Variants in GRM7 observed in about 807,000 individuals in gnomAD.
GRM7 encodes the protein glutamate metabotropic receptor 7.
GRM7 carries 35 observed loss-of-function variants against 84.5 expected under a neutral mutation model. That is an observed-to-expected ratio of 0.41 (90% confidence interval 0.32 to 0.55). The LOEUF (loss-of-function observed/expected upper bound fraction) is 0.55, where lower values mean the gene tolerates loss of function less well. Among genes scored for constraint, GRM7 ranks in the 20% least tolerant of loss-of-function variants. The pLI, the probability that GRM7 is intolerant of heterozygous loss-of-function variation, is 0.19. For synonymous variants in GRM7, 487 were observed against 455.1 expected, an observed-to-expected ratio of 1.07 and a Z score of -0.89; for missense variants, 1,003 against 1,194.6, an observed-to-expected ratio of 0.84 and a Z score of 2.36.
chr3:7,540,172 AT>A lies in GRM7; in HGVS notation c.1516-38244del, dbSNP rs1265867950. On this transcript the variant is annotated intron_variant, in intron 7 of 9. Transcript: ENST00000357716. ...CGGTTGCTTTAGGAAACAGTTTTAT[AT>A]TTTTTCAAAATGTTAAAAATGGGAT... Among the ~76,000 whole-genome samples, 7 of 152,262 alleles carry A rather than the reference AT, an allele frequency of 4.6e-5. No individual in the cohort carries two copies. In the South Asian group the frequency reaches 8.3e-4, roughly 18 times the overall value.
chr3:7,676,609 CCACCA>C (rs1299437899), intron 8 of GRM7, among the ~76,000 whole-genome samples: 1 of 152,074 alleles, frequency 6.6e-6, no homozygotes, highest in East Asian at 1.9e-4. Context: ...CAGGCACCCG[CCACCA>C]CACCTGGTGG....
intron 1 of GRM7, among the ~76,000 whole-genome samples, chr3:7,025,149 C>T (rs1336309721): frequency 2.0e-5 from 3 of 152,206 alleles, no homozygotes; most frequent in African/African-American, 4.8e-5. Context: ...TCCTGCCTCA[C>T]TTTTCCACTT....
intron 1 of GRM7, among the ~76,000 whole-genome samples, chr3:7,112,643 G>A (rs1011220235): frequency 3.9e-5 from 6 of 152,070 alleles, no homozygotes; most frequent in African/African-American, 9.7e-5. Flanking sequence ...GCCCCCACTC[G>A]GTTGTTTTTG....
At chr3:7,412,951 G>A (rs1442387500) in intron 4 of GRM7, among the ~76,000 whole-genome samples, 1 of 151,604 alleles carries the variant, frequency 6.6e-6, no homozygotes, top group Non-Finnish European at 1.5e-5. Flanking sequence ...CTTGGCTCTA[G>A]TAGAAAGTTT....
At chr3:6,917,829 C>A (rs1276418138) in intron 1 of GRM7, among the ~76,000 whole-genome samples, 2 of 152,070 alleles carry the variant, frequency 1.3e-5, no homozygotes, top group East Asian at 3.9e-4. Flanking sequence ...TCTATATTTT[C>A]ATAACTCCTT....
At chr3:7,203,693 C>G (rs1209605468) in intron 2 of GRM7, among the ~76,000 whole-genome samples, 3 of 152,146 alleles carry the variant, frequency 2.0e-5, no homozygotes, top group African/African-American at 7.2e-5. Flanking sequence ...AGTGGTTGCA[C>G]TAACTTATAT....
At chr3:6,894,489 A>T (rs1467893055) in intron 1 of GRM7, among the ~76,000 whole-genome samples, 1 of 152,152 alleles carries the variant, frequency 6.6e-6, no homozygotes, top group African/African-American at 2.4e-5. Flanking sequence ...CTAGAATGGG[A>T]GCAAATAAGC....
chr3:7,402,836 C>T (rs1382399526), intron 4 of GRM7, among the ~76,000 whole-genome samples: 1 of 148,988 alleles, frequency 6.7e-6, no homozygotes, highest in East Asian at 2.0e-4. Context: ...TCTTTTTCCC[C>T]TCTCAGACTT....
intron 4 of GRM7, among the ~76,000 whole-genome samples, chr3:7,357,316 C>T (rs75364080): frequency 0.073 from 11,107 of 151,958 alleles, 429 homozygotes; most frequent in Non-Finnish European, 0.09. Flanking sequence ...TGACACCACT[C>T]TCTCTCCCTT....
intron 5 of GRM7, among the ~76,000 whole-genome samples, chr3:7,447,146 T>G (rs1697552265): frequency 6.6e-6 from 1 of 152,218 alleles, no homozygotes; most frequent in Non-Finnish European, 1.5e-5. Flanking sequence ...AGTTCTCATT[T>G]TATCTAAACC....
At chr3:7,019,041 G>A (rs1353348269) in intron 1 of GRM7, among the ~76,000 whole-genome samples, 1 of 152,216 alleles carries the variant, frequency 6.6e-6, no homozygotes, top group Non-Finnish European at 1.5e-5. Flanking sequence ...AAGTTGCAGT[G>A]AGCTGAGACT....
chr3:7,062,344 G>C (rs1362519015), intron 1 of GRM7, among the ~76,000 whole-genome samples: 1 of 151,624 alleles, frequency 6.6e-6, no homozygotes, highest in Non-Finnish European at 1.5e-5. Context: ...GTGTGGAACT[G>C]AGTTTTGTAA....
intron 4 of GRM7, among the ~76,000 whole-genome samples, chr3:7,376,223 A>G (rs1166047019): frequency 1.3e-5 from 2 of 152,160 alleles, no homozygotes; most frequent in Non-Finnish European, 2.9e-5. Flanking sequence ...GTTTCTCACC[A>G]TGTGGGCCAG....
intron 2 of GRM7, among the ~76,000 whole-genome samples, chr3:7,200,863 G>C (rs547336078): frequency 1.3e-4 from 19 of 151,532 alleles, no homozygotes; most frequent in African/African-American, 4.6e-4. Flanking sequence ...TAGTAACCTA[G>C]TAGATTTTAT....
At chr3:7,183,858 G>A (rs1170429454) in intron 2 of GRM7, among the ~76,000 whole-genome samples, 1 of 151,980 alleles carries the variant, frequency 6.6e-6, no homozygotes, top group Non-Finnish European at 1.5e-5. Context: ...AAATAAATCA[G>A]TATGAAAACA....
At chr3:7,218,569 A>G (rs1417894653) in intron 2 of GRM7, among the ~76,000 whole-genome samples, 5 of 152,034 alleles carry the variant, frequency 3.3e-5, no homozygotes, top group Admixed American at 6.5e-5. Flanking sequence ...ATTTCCCATA[A>G]TAAGGTAATT....
At chr3:7,148,676 T>C (rs574166409) in intron 2 of GRM7, among the ~76,000 whole-genome samples, 1 of 152,206 alleles carries the variant, frequency 6.6e-6, no homozygotes, top group South Asian at 2.1e-4. Flanking sequence ...TTTGCTATTA[T>C]ATATAATGAC....
At chr3:6,881,961 AT>A (rs1168492134) in intron 1 of GRM7, among the ~76,000 whole-genome samples, 2 of 140,460 alleles carry the variant, frequency 1.4e-5, no homozygotes, top group East Asian at 3.9e-4. Context: ...GTGTATTAGT[AT>A]GAGCTGAAAC....
At chr3:7,015,131 C>A (rs959438737) in intron 1 of GRM7, among the ~76,000 whole-genome samples, 3 of 150,944 alleles carry the variant, frequency 2.0e-5, no homozygotes, top group Non-Finnish European at 2.9e-5. Flanking sequence ...CTGCCCTACA[C>A]CCCACCCCCC....
Sources: gnomAD v4.1 joint callset for allele counts (sites outside exome capture counted in the v4.1 genomes callset) on GRCh38, gnomAD v4.1.1 for gene constraint, MANE v1.5 for transcripts, NCBI Gene and HGNC (gene_info 2026-07-23, HGNC 2026-07-21) for gene names.